Variants in STX7 observed in about 807,000 individuals in gnomAD.
STX7 encodes the protein syntaxin-7.
Under a neutral mutation model 39.6 loss-of-function variants are expected in STX7, and 34 were observed. The ratio of observed to expected loss-of-function variants is 0.86; its 90% CI spans 0.65 to 1.14. The LOEUF (loss-of-function observed/expected upper bound fraction) is 1.14. Among genes scored for constraint, STX7 ranks in the 50% most tolerant of loss-of-function variants. STX7 has a pLI of 0.00. For missense variants in STX7, 284 were observed against 310.4 expected (o/e 0.92, Z 0.64); for synonymous variants, 119 against 99.1 (o/e 1.20, Z -1.19).
chr6:132,463,429 C>A (rs1774469521), intron 9 of STX7, among the ~76,000 whole-genome samples: 1 of 152,158 alleles, frequency 6.6e-6, no homozygotes, highest in Non-Finnish European at 1.5e-5. Context: ...ATATTTGACA[C>A]ATGCATGTGG....
At chr6:132,471,182 A>C (rs1301586681) in intron 5 of STX7, among the ~76,000 whole-genome samples, 14 of 152,118 alleles carry the variant, frequency 9.2e-5, no homozygotes, top group Non-Finnish European at 1.5e-4. Context: ...TGAGAATACT[A>C]CTCAGGATTT....
intron 2 of STX7, among the ~76,000 whole-genome samples, chr6:132,500,496 T>A (rs79177654): frequency 0.01 from 1,540 of 152,254 alleles, 30 homozygotes; most frequent in African/African-American, 0.036. Flanking sequence ...TCCCTCCTCA[T>A]CCTCATTCAA....
rs1774039805 is a variant in STX7, at chr6:132,447,550, T to A, written c.*13208A>T. ...AAATTGAGTGACTTCAAATACAACA[T>A]AATAGTTTTTTTTTCCGTTTTGCCC... is the stretch of plus-strand genomic sequence containing the variant. On this transcript the variant is annotated 3_prime_UTR_variant, in exon 10 of 10. Coordinates refer to ENST00000367941, the MANE Select transcript of STX7 (RefSeq NM_003569.3). The A allele has an allele frequency of 1.4e-5, 2 of 141,212 alleles. No homozygotes were observed. Among genetic ancestry groups the A allele is most frequent in the South Asian group, 2.5e-4 (1 of 4,028 alleles). 8.7% of individuals were successfully genotyped at this position (141,212 alleles called of 1,614,324 possible). A position where few individuals can be genotyped will look rare whatever the true frequency, so the allele number is the denominator to read the frequency against.
At chr6:132,481,184 G>A (rs1482123751) in intron 2 of STX7, among the ~76,000 whole-genome samples, 2 of 152,146 alleles carry the variant, frequency 1.3e-5, no homozygotes, top group East Asian at 3.9e-4. Context: ...ATGAAAAAAG[G>A]AGGCGTGTTC....
intron 2 of STX7, among the ~76,000 whole-genome samples, chr6:132,495,624 T>A (rs9483467): frequency 0.03 from 4,508 of 151,982 alleles, 225 homozygotes; most frequent in African/African-American, 0.1. Context: ...GCTCCTTTTT[T>A]AAAAAAATAT....
chr6:132,469,533 G>A (rs538186617), intron 7 of STX7, among the ~76,000 whole-genome samples: 14 of 152,052 alleles, frequency 9.2e-5, no homozygotes, highest in Non-Finnish European at 1.5e-4. Flanking sequence ...CTACCAAACT[G>A]ATACATTAAT....
intron 2 of STX7, among the ~76,000 whole-genome samples, chr6:132,491,721 CCTT>C (rs1426083669): frequency 6.6e-6 from 1 of 152,116 alleles, no homozygotes; most frequent in African/African-American, 2.4e-5. Flanking sequence ...CCATCAAACA[CCTT>C]CTCATTACCA....
rs1774134945 is a variant in STX7, at chr6:132,451,462, T to C, written c.*9296A>G. The C allele has an allele frequency of 6.6e-6, 1 of 152,168 alleles. No homozygotes were observed. The highest frequency in any genetic ancestry group is 3.2e-3 in the Middle Eastern group (1 of 316). 9.4% of individuals were successfully genotyped at this position (152,168 alleles called of 1,614,324 possible). On this transcript the variant is annotated 3_prime_UTR_variant, in exon 10 of 10. Coordinates refer to ENST00000367941, the MANE Select transcript of STX7 (RefSeq NM_003569.3). ...TATAAACCTACAAGTCTATGTCTAA[T>C]GTAAATATTCTTCAGATATCAAGGG...
intron 2 of STX7, among the ~76,000 whole-genome samples, chr6:132,492,054 C>A (rs1171157041): frequency 1.3e-5 from 2 of 152,214 alleles, no homozygotes; most frequent in Admixed American, 6.5e-5. Context: ...ATAACCCTTG[C>A]TCCACCCAGA....
intron 1 of STX7, among the ~76,000 whole-genome samples, chr6:132,504,758 C>T (rs73551865): frequency 5.9e-5 from 9 of 152,254 alleles, no homozygotes; most frequent in East Asian, 1.9e-4. Flanking sequence ...TAAAAGATCA[C>T]GTGCTAGGCT....
intron 2 of STX7, among the ~76,000 whole-genome samples, chr6:132,500,494 C>T (rs916701410): frequency 1.4e-4 from 22 of 152,202 alleles, no homozygotes; most frequent in African/African-American, 5.1e-4. Context: ...AGTCCCTCCT[C>T]ATCCTCATTC....
At chr6:132,475,798 T>C (rs1164437847) in intron 2 of STX7, 136 bp from the exon 3 acceptor site, 1 of 413,792 alleles carries the variant, frequency 2.4e-6, no homozygotes, top group Non-Finnish European at 4.1e-6. Flanking sequence ...AAATATTAAC[T>C]GGAAAAAAGA....
At chr6:132,472,250 A>T in intron 4 of STX7, 32 bp downstream of exon 4, 1 of 1,557,884 alleles carries the variant, frequency 6.4e-7, no homozygotes, top group Non-Finnish European at 8.8e-7. Flanking sequence ...TTCACATTCA[A>T]TACATCAACA....
At chr6:132,497,410 T>C (rs954361882) in intron 2 of STX7, among the ~76,000 whole-genome samples, 1 of 152,154 alleles carries the variant, frequency 6.6e-6, no homozygotes, top group Non-Finnish European at 1.5e-5. Flanking sequence ...CCGAAGGGCA[T>C]GAAGGGGTGT....
rs1299479386 is a variant in STX7 at position 132,446,387 on chromosome 6, A to C, written c.*14371T>G. The C allele has an allele frequency of 1.3e-5, 2 of 152,202 alleles. No individual in the cohort carries two copies. The highest frequency in any genetic ancestry group is 4.8e-5 in the African/African-American group (2 of 41,466). 9.4% of individuals were successfully genotyped at this position (152,202 alleles called of 1,614,324 possible). On this transcript the variant is annotated 3_prime_UTR_variant, in exon 10 of 10. Transcript: ENST00000367941. ...GAAAAAAGTTTGAAAGAAACCTTTT[A>C]TACAATGTTTTCATTGTCTTGTTCT...
chr6:132,492,103 C>T lies in STX7; in HGVS notation c.85+11343G>A, dbSNP rs569528478. Among the ~76,000 whole-genome samples the T allele has an allele frequency of 6.6e-5, 10 of 152,336 alleles. No homozygotes were observed. The South Asian group carries it at 2.1e-3, about 32-fold the overall frequency. On this transcript the variant is annotated intron_variant, in intron 2 of 9. Transcript: ENST00000367941. ...CACCAGCCTGCAAGGCCCTACCTGA[C>T]CTGGTACCAACTCTCTCTCTTCCCT... is the stretch of plus-strand genomic sequence containing the variant.
intron 2 of STX7, among the ~76,000 whole-genome samples, chr6:132,497,441 G>C (rs1238210262): frequency 6.6e-6 from 1 of 152,038 alleles, no homozygotes; most frequent in Non-Finnish European, 1.5e-5. Context: ...AGGTTTTAGG[G>C]GACTAAGGAA....
At chr6:132,472,501 ACTTTCTCTAT>A in intron 3 of STX7, 126 bp from the exon 4 acceptor site, 1 of 584,018 alleles carries the variant, frequency 1.7e-6, no homozygotes, top group Non-Finnish European at 2.9e-6. Flanking sequence ...CTGGCTCTCA[ACTTTCTCTAT>A]CAAAAAAAAT....
rs1241912278 is a variant in STX7, at chr6:132,458,142, A to AT, written c.*2615dup. ...AACTTTTTGTGTACAAAATTTTACA[A>AT]TTTTTAACAAAAGCAGTGAAGACAC... On this transcript the variant is annotated 3_prime_UTR_variant, in exon 10 of 10. Coordinates refer to ENST00000367941, the MANE Select transcript of STX7 (RefSeq NM_003569.3). The AT allele has an allele frequency of 2.0e-5, 3 of 152,206 alleles. No individual in the cohort carries two copies. The highest frequency in any genetic ancestry group is 1.3e-4 in the Admixed American group (2 of 15,286). 9.4% of individuals were successfully genotyped at this position (152,206 alleles called of 1,614,324 possible).
Sources: gnomAD v4.1 joint callset for allele counts (sites outside exome capture counted in the v4.1 genomes callset) on GRCh38, gnomAD v4.1.1 for gene constraint, MANE v1.5 for transcripts, NCBI Gene and HGNC (gene_info 2026-07-23, HGNC 2026-07-21) for gene names.